The following ZMYM4 variants were observed in gnomAD, a reference collection of about 807,000 sequenced individuals.
ZMYM4 encodes the protein zinc finger MYM-type containing 4.
A neutral mutation model predicts 183.2 loss-of-function variants in ZMYM4; 31 were observed. That is an observed-to-expected ratio of 0.17 (90% CI 0.13 to 0.23). The LOEUF (loss-of-function observed/expected upper bound fraction) is 0.23, where lower values mean the gene tolerates loss of function less well. ZMYM4 is among the 10% of genes least tolerant of loss of function. The pLI, the probability that ZMYM4 is intolerant of heterozygous loss-of-function variation, is 1.00. For synonymous variants in ZMYM4, 592 were observed against 631.2 expected, an observed-to-expected ratio of 0.94 and a Z score of 0.93; for missense variants, 1,273 against 1,840.3, an observed-to-expected ratio of 0.69 and a Z score of 5.64.
rs1289612930 is a variant in ZMYM4 at position 35,411,298 on chromosome 1, C to T, written c.3949-2674C>T. On this transcript the variant is annotated intron_variant, in intron 26 of 29. Coordinates refer to ENST00000314607, the MANE Select transcript of ZMYM4 (RefSeq NM_005095.3). ...CCTCCCGAGTAGCTGGGATTACAGG[C>T]GCCCGCCACTATGCCCGGCTAATTT... Among the ~76,000 whole-genome samples the T allele has an allele frequency of 3.3e-5, 5 of 150,750 alleles. No homozygotes were observed. In the South Asian group the frequency reaches 8.3e-4, roughly 25 times the overall value.
chr1:35,380,370 C>T (rs1173290673), intron 7 of ZMYM4, among the ~76,000 whole-genome samples: 1 of 151,870 alleles, frequency 6.6e-6, no homozygotes, highest in Non-Finnish European at 1.5e-5. Context: ...CTCTGTCGCC[C>T]ATGCTGGAGT....
intron 7 of ZMYM4, among the ~76,000 whole-genome samples, chr1:35,371,734 C>T (rs1375846654): frequency 6.6e-6 from 1 of 152,116 alleles, no homozygotes; most frequent in Admixed American, 6.5e-5. Flanking sequence ...TACTCCTCCT[C>T]CTAGTTCAGT....
intron 1 of ZMYM4, among the ~76,000 whole-genome samples, chr1:35,280,174 TC>T (rs561173030): frequency 2.3e-4 from 34 of 147,496 alleles, no homozygotes; most frequent in Admixed American, 1.5e-3. Flanking sequence ...CTTCCTCCCT[TC>T]CCCCCTTCCC....
At chr1:35,410,340 C>G (rs1397007503) in intron 26 of ZMYM4, among the ~76,000 whole-genome samples, 3 of 151,982 alleles carry the variant, frequency 2.0e-5, no homozygotes, top group Non-Finnish European at 2.9e-5. Context: ...GTTGTAGAAA[C>G]TATATATATT....
At position 35,387,271 on chromosome 1, in the gene ZMYM4, A is replaced by C. The variant is rs752198483; in HGVS notation, c.2105A>C (p.Asp702Ala). The change falls in exon 12 of 30, where the codon GAC becomes GCC. Residue 702 changes from aspartate (D) to alanine (A), a missense_variant. Physicochemically the swap from Asp to Ala is moderately radical, Grantham distance 126. Coordinates refer to ENST00000314607, the MANE Select transcript of ZMYM4 (RefSeq NM_005095.3). ...RLFATKPELL[D>A]YKGKMFQFCG... is the part of the protein sequence containing the mutation. Reference sequence around the variant, plus strand: ...TTTGCCACAAAACCAGAACTTCTTGACTATAAGGTAAAGTATAGCATGTTC... The same window carrying C: ...TTTGCCACAAAACCAGAACTTCTTGCCTATAAGGTAAAGTATAGCATGTTC... 1 of 1,613,902 alleles carries C rather than the reference A, an allele frequency of 6.2e-7. No individual in the cohort carries two copies. Among genetic ancestry groups the C allele is most frequent in the South Asian group, 1.1e-5 (1 of 91,054 alleles).
intron 2 of ZMYM4, chr1:35,350,584 G>T (rs974614117): frequency 6.1e-6 from 1 of 163,278 alleles, no homozygotes; most frequent in Non-Finnish European, 1.3e-5. Context: ...ACCACACCCG[G>T]CTGAAATTAC....
At position 35,389,131 on chromosome 1, in the gene ZMYM4, T is replaced by C. The variant is rs751256121; in HGVS notation, c.2436+49T>C. On this transcript the variant is annotated intron_variant, in intron 14 of 29. Transcript: ENST00000314607. The surrounding 1 kb of genome is among the most constrained non-coding windows in gnomAD (Gnocchi z 4.0). ...GTTTTTCATTCTAGGGCATAAATTA[T>C]TCCCTTTTAAAATTTCATGTCACAT... 1 of 1,535,652 alleles carries C rather than the reference T, an allele frequency of 6.5e-7. No individual in the cohort carries two copies. Among genetic ancestry groups the C allele is most frequent in the South Asian group, 1.3e-5 (1 of 79,848 alleles).
intron 26 of ZMYM4, among the ~76,000 whole-genome samples, chr1:35,410,050 C>T (rs1015602245): frequency 2.6e-5 from 4 of 152,032 alleles, no homozygotes; most frequent in African/African-American, 7.3e-5. Flanking sequence ...CTTCCAATCA[C>T]GGCATCATAT....
chr1:35,370,147 T>A (rs751968032), intron 6 of ZMYM4, 34 bp downstream of exon 6: 1 of 1,599,290 alleles, frequency 6.3e-7, no homozygotes, highest in Non-Finnish European at 8.5e-7. Flanking sequence ...GGATTGTGTA[T>A]GTTCTGACCA....
intron 6 of ZMYM4, 68 bp from the exon 7 acceptor site, chr1:35,370,304 T>C: frequency 6.9e-7 from 1 of 1,451,588 alleles, no homozygotes; most frequent in Non-Finnish European, 9.1e-7. Flanking sequence ...CTACTTAAAA[T>C]TCATGGTAAA....
chr1:35,321,501 T>C (rs1002191783), intron 1 of ZMYM4, among the ~76,000 whole-genome samples: 12 of 152,102 alleles, frequency 7.9e-5, no homozygotes, highest in Non-Finnish European at 1.3e-4. Context: ...CAGGAAAAGA[T>C]AAAGCTGTAG....
In ZMYM4 at chr1:35,370,839, A is replaced by G. The variant is rs16866049; in HGVS notation, c.1181+212A>G. ...TGCTCAGCTTGTTTTTTAGCTTTCAATAATGTTACTTTTATGTATTGTTTT... is the reference window on the plus strand; with the variant it reads ...TGCTCAGCTTGTTTTTTAGCTTTCAGTAATGTTACTTTTATGTATTGTTTT... On this transcript the variant is annotated intron_variant, in intron 7 of 29. Coordinates refer to ENST00000314607, the MANE Select transcript of ZMYM4 (RefSeq NM_005095.3). 2,559 of 503,324 alleles carry G rather than the reference A, an allele frequency of 5.1e-3. 55 individuals are homozygous for G. The highest frequency in any genetic ancestry group is 0.048 in the African/African-American group (2,329 of 48,794). 31.2% of individuals were successfully genotyped at this position (503,324 alleles called of 1,614,324 possible).
chr1:35,311,110 G>A (rs563615247), intron 1 of ZMYM4, among the ~76,000 whole-genome samples: 4 of 152,148 alleles, frequency 2.6e-5, no homozygotes, highest in African/African-American at 9.6e-5. Flanking sequence ...CTATAGTTTT[G>A]TGTTTTTGAG....
chr1:35,303,495 G>C (rs1247642380), intron 1 of ZMYM4, among the ~76,000 whole-genome samples: 1 of 151,504 alleles, frequency 6.6e-6, no homozygotes, highest in Admixed American at 6.6e-5. Context: ...AACCTCCGCC[G>C]TCTGGGTTCA....
chr1:35,288,858 T>C (rs1640626714), intron 1 of ZMYM4, among the ~76,000 whole-genome samples: 1 of 152,170 alleles, frequency 6.6e-6, no homozygotes, highest in Non-Finnish European at 1.5e-5. Flanking sequence ...CTGACTAACA[T>C]TGGGAATATC....
intron 2 of ZMYM4, among the ~76,000 whole-genome samples, chr1:35,357,071 G>A (rs948155178): frequency 1.3e-5 from 2 of 151,776 alleles, no homozygotes; most frequent in Non-Finnish European, 2.9e-5. Context: ...ATTTTTTTTT[G>A]TAGAGATGGG....
At chr1:35,418,596 T>C in intron 29 of ZMYM4, 24 bp downstream of exon 29, 1 of 1,611,966 alleles carries the variant, frequency 6.2e-7, no homozygotes, top group Non-Finnish European at 8.5e-7. Context: ...GAACTGAATG[T>C]AGTGCACTCA....
intron 1 of ZMYM4, among the ~76,000 whole-genome samples, chr1:35,304,980 G>A (rs1252663838): frequency 6.6e-6 from 1 of 152,070 alleles, no homozygotes; most frequent in Non-Finnish European, 1.5e-5. Context: ...TAAGTAGGTG[G>A]TATTACAGGC....
chr1:35,350,004 C>T (rs186695671), intron 2 of ZMYM4, among the ~76,000 whole-genome samples: 168 of 150,872 alleles, frequency 1.1e-3, no homozygotes, highest in South Asian at 1.9e-3. Context: ...CTCTCTGTCA[C>T]CCAGGCTGGG....
Sources: allele counts gnomAD v4.1 joint callset (sites outside exome capture counted in the v4.1 genomes callset), GRCh38; gene constraint gnomAD v4.1.1; non-coding constraint Gnocchi (gnomAD v3.1); transcripts MANE v1.5; gene names NCBI Gene and HGNC (gene_info 2026-07-23, HGNC 2026-07-21).